The following PLA2G4A variants were observed in gnomAD, a reference collection of about 807,000 sequenced individuals.
The protein encoded by PLA2G4A is phospholipase A2 group IVA, also known as cytosolic phospholipase A2.
PLA2G4A carries 40 observed loss-of-function variants against 81.9 expected under a neutral mutation model. That is an observed-to-expected ratio of 0.49 (90% CI 0.38 to 0.64). PLA2G4A has a LOEUF of 0.64. Among genes scored for constraint, PLA2G4A ranks in the 30% least tolerant of loss-of-function variants. The pLI is 0.00. For synonymous variants in PLA2G4A, 302 were observed against 296.9 expected (o/e 1.02, Z -0.18); for missense variants, 715 against 905.1 (o/e 0.79, Z 2.69).
chr1:186,968,400 A>ATGTGTGTGTGTGTG (rs58475951), intron 15 of PLA2G4A, among the ~76,000 whole-genome samples: 17,178 of 137,270 alleles, frequency 0.13, 1,672 homozygotes, highest in African/African-American at 0.24. Flanking sequence ...CGCGGTGTGT[A>ATGTGTGTGTGTGTG]TGTGTGTGTG....
rs1219092230 is a variant in PLA2G4A at position 186,956,348 on chromosome 1, A to C, written c.1579+4A>C. On this transcript the variant is annotated splice_donor_region_variant and intron_variant, in intron 14 of 17. Transcript: ENST00000367466. ...GAACTGGATGCAGCTGTAGCAGGTA[A>C]GTGTACAAATATAATTAGTGGGAGC... 2 of 1,613,176 alleles carry C rather than the reference A, an allele frequency of 1.2e-6. No individual in the cohort carries two copies. Among genetic ancestry groups the C allele is most frequent in the Non-Finnish European group, 1.7e-6 (2 of 1,179,250 alleles).
At position 186,893,139 on chromosome 1, in the gene PLA2G4A, A is replaced by G. The variant is rs1289962227; in HGVS notation, c.244A>G (p.Asn82Asp). Residue 82 changes from asparagine to aspartate, a missense_variant, in exon 4 of 18, where the codon AAT (asparagine) becomes GAT (aspartate). Asn to Asp is a conservative substitution (Grantham distance 23, BLOSUM62 1). Transcript: ENST00000367466. ...GACCTTTGAATTTATTTTGGATCCT[A>G]ATCAGGAAAATGTTTTGGAGGTAAG... ...NETFEFILDP[N>D]QENVLEITLM... 1 of 1,612,660 alleles carries G rather than the reference A, an allele frequency of 6.2e-7. No individual in the cohort carries two copies. Among genetic ancestry groups the G allele is most frequent in the Admixed American group, 1.7e-5 (1 of 60,022 alleles).
At chr1:186,920,824 G>C (rs891867084) in intron 7 of PLA2G4A, among the ~76,000 whole-genome samples, 2 of 152,188 alleles carry the variant, frequency 1.3e-5, no homozygotes, top group Non-Finnish European at 2.9e-5. Flanking sequence ...TCTGCGGCTT[G>C]TTGCATCTCT....
chr1:186,928,938 T>C (rs1655646656), intron 7 of PLA2G4A, among the ~76,000 whole-genome samples: 1 of 152,202 alleles, frequency 6.6e-6, no homozygotes, highest in Admixed American at 6.5e-5. Context: ...ACTTACTTGA[T>C]TCTCTTAGAA....
rs764232744 is a variant in PLA2G4A at position 186,977,712 on chromosome 1, T to C, written c.1884T>C (p.Pro628=). Reference sequence around the variant, plus strand: ...GCTATGTCTTTAAACCCAAGAATCCTGATATGGAGAAAGATTGCCCAACCA... The same window carrying C: ...GCTATGTCTTTAAACCCAAGAATCCCGATATGGAGAAAGATTGCCCAACCA... ...KECYVFKPKN[P]DMEKDCPTII... Residue 628 remains proline (P), a synonymous_variant, in exon 16 of 18, where the codon CCT becomes CCC. Coordinates refer to ENST00000367466, the MANE Select transcript of PLA2G4A (RefSeq NM_024420.3). The C allele has an allele frequency of 6.2e-7, 1 of 1,613,670 alleles. No individual in the cohort carries two copies. Among genetic ancestry groups the C allele is most frequent in the Non-Finnish European group, 8.5e-7 (1 of 1,179,562 alleles).
intron 1 of PLA2G4A, among the ~76,000 whole-genome samples, chr1:186,851,562 C>G (rs774682677): frequency 6.6e-6 from 1 of 151,840 alleles, no homozygotes; most frequent in East Asian, 1.9e-4. Flanking sequence ...AAAACATCAG[C>G]CATACTAGTA....
At chr1:186,935,303 G>A (rs1655901117) in intron 8 of PLA2G4A, among the ~76,000 whole-genome samples, 1 of 151,748 alleles carries the variant, frequency 6.6e-6, no homozygotes, top group Admixed American at 6.6e-5. Flanking sequence ...ATAGGCATAT[G>A]AACCTCATAA....
intron 1 of PLA2G4A, among the ~76,000 whole-genome samples, chr1:186,836,674 C>A (rs1482980465): frequency 6.6e-6 from 1 of 152,142 alleles, no homozygotes; most frequent in East Asian, 1.9e-4. Context: ...TTGTTGGTCA[C>A]TGAGCAGTAT....
rs566165447 is a variant in PLA2G4A at position 186,916,647 on chromosome 1, T to C, written c.558+5258T>C. On this transcript the variant is annotated intron_variant, in intron 7 of 17. Transcript: ENST00000367466. Reference sequence around the variant, plus strand: ...GTCCTTAATCTTATTTCAAAAACAGTGGACATGGGAGGCTCAGAGGGGTCA... The same window carrying C: ...GTCCTTAATCTTATTTCAAAAACAGCGGACATGGGAGGCTCAGAGGGGTCA... Among the ~76,000 whole-genome samples the C allele has an allele frequency of 5.3e-5, 8 of 152,254 alleles. No individual in the cohort carries two copies. In the East Asian group the frequency reaches 1.4e-3, roughly 26 times the overall value.
At chr1:186,964,842 G>A (rs986298919) in intron 14 of PLA2G4A, among the ~76,000 whole-genome samples, 1 of 152,062 alleles carries the variant, frequency 6.6e-6, no homozygotes, top group Non-Finnish European at 1.5e-5. Flanking sequence ...ATATTTGCTG[G>A]GTGTGTTGGC....
At chr1:186,857,644 T>C (rs1022327679) in intron 2 of PLA2G4A, among the ~76,000 whole-genome samples, 2 of 150,536 alleles carry the variant, frequency 1.3e-5, no homozygotes, top group South Asian at 2.1e-4. Context: ...CTAGGGTACA[T>C]GTGCACAACG....
chr1:186,928,662 G>T (rs1178681331), intron 7 of PLA2G4A, among the ~76,000 whole-genome samples: 1 of 152,094 alleles, frequency 6.6e-6, no homozygotes. Context: ...TAATATGGGG[G>T]GCCAAGGAGA....
chr1:186,928,725 C>A (rs957494869), intron 7 of PLA2G4A, among the ~76,000 whole-genome samples: 2 of 152,148 alleles, frequency 1.3e-5, no homozygotes, highest in Non-Finnish European at 2.9e-5. Context: ...TTGAATACTT[C>A]AGAATTTTCT....
chr1:186,876,157 T>C (rs531255393), intron 3 of PLA2G4A, among the ~76,000 whole-genome samples: 2 of 152,226 alleles, frequency 1.3e-5, no homozygotes, highest in African/African-American at 4.8e-5. Context: ...CCTTGTAATG[T>C]GAGGGATGCA....
At chr1:186,959,145 C>T (rs1425246000) in intron 14 of PLA2G4A, among the ~76,000 whole-genome samples, 1 of 151,810 alleles carries the variant, frequency 6.6e-6, no homozygotes, top group Admixed American at 6.6e-5. Flanking sequence ...TTACTGAGTA[C>T]TTATAATGTG....
chr1:186,857,926 A>G (rs999098650), intron 2 of PLA2G4A, among the ~76,000 whole-genome samples: 1 of 152,144 alleles, frequency 6.6e-6, no homozygotes, highest in African/African-American at 2.4e-5. Context: ...TGCAAAGGAC[A>G]TGAACTCATC....
intron 6 of PLA2G4A, among the ~76,000 whole-genome samples, chr1:186,910,639 C>T (rs1654905594): frequency 6.6e-6 from 1 of 152,158 alleles, no homozygotes. Flanking sequence ...GAAATTGCTA[C>T]TGCCTTCATT....
chr1:186,870,937 A>G (rs933996522), intron 3 of PLA2G4A, among the ~76,000 whole-genome samples: 4 of 152,186 alleles, frequency 2.6e-5, no homozygotes, highest in Non-Finnish European at 4.4e-5. Flanking sequence ...TGGGCCTTAA[A>G]TTAGCCGAGA....
chr1:186,887,607 G>A (rs1432519655), intron 3 of PLA2G4A, among the ~76,000 whole-genome samples: 1 of 148,460 alleles, frequency 6.7e-6, no homozygotes, highest in Admixed American at 6.6e-5. Flanking sequence ...TTCACCACAT[G>A]TTTGGCTGAA....
Sources: gnomAD v4.1 joint callset for allele counts (sites outside exome capture counted in the v4.1 genomes callset) on GRCh38, gnomAD v4.1.1 for gene constraint, MANE v1.5 for transcripts, NCBI Gene and HGNC (gene_info 2026-07-23, HGNC 2026-07-21) for gene names.